The following KSR2 variants were observed in gnomAD, a reference collection of about 807,000 sequenced individuals.
The protein encoded by KSR2 is kinase suppressor of ras 2.
KSR2 carries 25 observed loss-of-function variants against 107.8 expected under a neutral mutation model. The ratio of observed to expected loss-of-function variants is 0.23; its 90% CI spans 0.17 to 0.32. KSR2 has a LOEUF of 0.32. KSR2 is among the 10% of genes least tolerant of loss of function. The pLI is 1.00. For synonymous variants in KSR2, 480 were observed against 507.0 expected (o/e 0.95, Z 0.71); for missense variants, 887 against 1,268.9 (o/e 0.70, Z 4.57).
At chr12:117,957,895 A>G (rs913957729) in intron 1 of KSR2, among the ~76,000 whole-genome samples, 60 of 150,138 alleles carry the variant, frequency 4.0e-4, no homozygotes, top group African/African-American at 1.5e-3. Flanking sequence ...ACAGTGATGC[A>G]ATCTCAGCTC....
intron 3 of KSR2, among the ~76,000 whole-genome samples, chr12:117,851,030 T>G (rs1892903524): frequency 6.6e-6 from 1 of 152,188 alleles, no homozygotes; most frequent in African/African-American, 2.4e-5. Context: ...ACAGCATACG[T>G]GAAGTACAGT....
At chr12:117,849,455 G>A (rs1392854700) in intron 3 of KSR2, among the ~76,000 whole-genome samples, 14 of 152,178 alleles carry the variant, frequency 9.2e-5, no homozygotes, top group Admixed American at 6.5e-4. Flanking sequence ...TAGCTGCCAC[G>A]AGAAGGAAAG....
intron 1 of KSR2, among the ~76,000 whole-genome samples, chr12:117,963,403 C>T (rs907850551): frequency 6.6e-6 from 1 of 152,102 alleles, no homozygotes; most frequent in African/African-American, 2.4e-5. Flanking sequence ...AGTTCAAGAT[C>T]AGCTGGAGCA....
chr12:117,856,451 G>GT (rs1485980396), intron 2 of KSR2, among the ~76,000 whole-genome samples: 1 of 151,980 alleles, frequency 6.6e-6, no homozygotes, highest in Non-Finnish European at 1.5e-5. Context: ...TTACTTAAGG[G>GT]TTTTTTGCCT....
chr12:117,588,324 A>G (rs149636152), intron 5 of KSR2, among the ~76,000 whole-genome samples: 2 of 152,304 alleles, frequency 1.3e-5, no homozygotes, highest in East Asian at 3.9e-4. Context: ...TGCATTCCCA[A>G]ACCCAAGCAG....
intron 4 of KSR2, among the ~76,000 whole-genome samples, chr12:117,727,493 G>A (rs1426535109): frequency 6.6e-6 from 1 of 151,800 alleles, no homozygotes; most frequent in African/African-American, 2.4e-5. Context: ...GGAGGAAGAG[G>A]AGGAGGAAGA....
intron 10 of KSR2, among the ~76,000 whole-genome samples, chr12:117,534,074 A>G (rs776981034): frequency 2.6e-5 from 4 of 151,972 alleles, no homozygotes; most frequent in Admixed American, 6.6e-5. Flanking sequence ...TCTGGCATCC[A>G]AGATGACTCA....
At chr12:117,799,957 C>G (rs1008523521) in intron 3 of KSR2, among the ~76,000 whole-genome samples, 2 of 152,154 alleles carry the variant, frequency 1.3e-5, no homozygotes, top group Admixed American at 1.3e-4. Context: ...GGCTCTTAGC[C>G]CTATGAAACG....
At chr12:117,743,320 C>T (rs1029985368) in intron 4 of KSR2, among the ~76,000 whole-genome samples, 3 of 152,218 alleles carry the variant, frequency 2.0e-5, no homozygotes, top group Non-Finnish European at 4.4e-5. Context: ...GGCAATGGCA[C>T]GATCTGTCTT....
chr12:117,587,554 A>G (rs1363747982), intron 5 of KSR2, among the ~76,000 whole-genome samples: 2 of 152,140 alleles, frequency 1.3e-5, no homozygotes, highest in Admixed American at 6.5e-5. Context: ...CAGAACTGTA[A>G]GATAATAAAT....
At chr12:117,784,680 C>T (rs1890003281) in intron 3 of KSR2, among the ~76,000 whole-genome samples, 1 of 152,046 alleles carries the variant, frequency 6.6e-6, no homozygotes, top group Admixed American at 6.6e-5. Context: ...ATGAGAAGGC[C>T]AGTCATTCAG....
chr12:117,854,715 G>T (rs954111806), intron 3 of KSR2, among the ~76,000 whole-genome samples: 2 of 152,116 alleles, frequency 1.3e-5, no homozygotes, highest in East Asian at 3.9e-4. Flanking sequence ...AAATCATGAG[G>T]CTAAAGAGAA....
intron 5 of KSR2, among the ~76,000 whole-genome samples, chr12:117,656,297 G>C (rs1159362566): frequency 6.6e-6 from 1 of 152,168 alleles, no homozygotes; most frequent in Non-Finnish European, 1.5e-5. Context: ...TTAGAGGTTG[G>C]TGCATTTCTG....
intron 5 of KSR2, among the ~76,000 whole-genome samples, chr12:117,660,298 C>G (rs1884376480): frequency 6.6e-6 from 1 of 152,140 alleles, no homozygotes; most frequent in African/African-American, 2.4e-5. Context: ...GTTCTAGAGG[C>G]CAGAAGTCCA....
Position 117,703,656 on chromosome 12 carries a change from G to A in KSR2, c.987-35998C>T, listed in dbSNP as rs543284954. 4.6e-5 allele frequency among the ~76,000 whole-genome samples: 7 copies of A among 152,252 alleles called. No individual in the cohort carries two copies. The East Asian group carries it at 1.3e-3, about 29-fold the overall frequency. Reference sequence around the variant, plus strand: ...AAACCACTTGTGTGTCTTAAGTGACGCTGAATTTATCAAACACACACAGCT... The same window carrying A: ...AAACCACTTGTGTGTCTTAAGTGACACTGAATTTATCAAACACACACAGCT... On this transcript the variant is annotated intron_variant, in intron 4 of 19. Coordinates refer to ENST00000339824, the MANE Select transcript of KSR2 (RefSeq NM_173598.6).
At position 117,593,963 on chromosome 12, in the gene KSR2, G is replaced by A. The variant is rs546045263; in HGVS notation, c.1172-11604C>T. On this transcript the variant is annotated intron_variant, in intron 5 of 19. Transcript: ENST00000339824. ...CCTTCTATCATCCTGTTCTCAGAGC[G>A]TGTCCACAGCACTTGCCTGCCTGGG... Among the ~76,000 whole-genome samples the A allele has an allele frequency of 3.9e-5, 6 of 152,322 alleles. No homozygotes were observed. The South Asian group carries it at 8.3e-4, about 21-fold the overall frequency.
intron 4 of KSR2, among the ~76,000 whole-genome samples, chr12:117,757,304 C>A (rs1888832831): frequency 6.6e-6 from 1 of 152,148 alleles, no homozygotes; most frequent in South Asian, 2.1e-4. Context: ...TTGTTGCAAT[C>A]TCATGATAAA....
In KSR2 at chr12:117,968,294, A is replaced by G. The variant is rs1593414972; in HGVS notation, c.-39T>C. 1.5e-5 allele frequency: 12 copies of G among 790,294 alleles called. No individual in the cohort carries two copies. In the East Asian group the frequency reaches 7.6e-4, roughly 50 times the overall value. The allele number at this position is 790,294 out of a possible 1,614,324, so 49.0% of individuals were successfully genotyped here. A position where few individuals can be genotyped will look rare whatever the true frequency, so the allele number is the denominator to read the frequency against. ...ACCCCCTTCCCCTCCTCCTCCTCCC[A>G]GAGAGAAAAAAGAGGGGGGGGAGTA... On this transcript the variant is annotated 5_prime_UTR_variant, in exon 1 of 20. Transcript: ENST00000339824.
At chr12:117,560,616 T>C (rs1878045615) in intron 7 of KSR2, among the ~76,000 whole-genome samples, 1 of 152,248 alleles carries the variant, frequency 6.6e-6, no homozygotes, top group Non-Finnish European at 1.5e-5. Context: ...AAATTTATTT[T>C]TTCCAGGTTG....
Sources: allele counts gnomAD v4.1 joint callset (sites outside exome capture counted in the v4.1 genomes callset), GRCh38; gene constraint gnomAD v4.1.1; transcripts MANE v1.5; gene names NCBI Gene and HGNC (gene_info 2026-07-23, HGNC 2026-07-21).